Variants in CTSG observed in about 807,000 individuals in gnomAD.
CTSG encodes cathepsin G.
In CTSG, 23 loss-of-function variants were observed where a neutral mutation model predicts 23.0. The observed-to-expected ratio is 1.00, with a 90% confidence interval of 0.72 to 1.42. CTSG has a LOEUF of 1.42. Among genes scored for constraint, CTSG ranks in the 40% most tolerant of loss-of-function variants. The probability of loss-of-function intolerance (pLI) is 0.00; values close to 1 mark genes in which losing one functional copy is unlikely to be tolerated. For missense variants in CTSG, 312 were observed against 326.2 expected, an observed-to-expected ratio of 0.96 and a Z score of 0.33; for synonymous variants, 140 against 130.4, an observed-to-expected ratio of 1.07 and a Z score of -0.50.
At position 24,574,475 on chromosome 14, in the gene CTSG, G is replaced by T; in HGVS notation, c.364C>A (p.Arg122=). Reference sequence around the variant, plus strand: ...GGCAGAGCCACTGGGTTCACGTTTCGATTCCGTCTGACTCTTCTGCTCAGC... The same window carrying T: ...GGCAGAGCCACTGGGTTCACGTTTCTATTCCGTCTGACTCTTCTGCTCAGC... ...LQLSRRVRRN[R]NVNPVALPRA... Residue 122 remains arginine (R), a synonymous_variant, in exon 4 of 5, where the codon CGA becomes AGA. Transcript: ENST00000216336. 6.2e-7 allele frequency: 1 copy of T among 1,613,950 alleles called. No homozygotes were observed. Among genetic ancestry groups the T allele is most frequent in the Non-Finnish European group, 8.5e-7 (1 of 1,180,026 alleles).
intron 4 of CTSG, 33 bp downstream of exon 4, chr14:24,574,212 C>T (rs756479736): frequency 2.4e-5 from 38 of 1,598,078 alleles, no homozygotes; most frequent in Admixed American, 6.7e-5. Context: ...GCCCCTCTCT[C>T]CCGGGGTGTG....
At chr14:24,575,144 G>C in intron 2 of CTSG, 121 bp downstream of exon 2, 2 of 1,148,066 alleles carry the variant, frequency 1.7e-6, no homozygotes, top group Non-Finnish European at 2.5e-6. Context: ...CTCCCGCAAA[G>C]ACTCACTTGG....
intron 1 of CTSG, 72 bp from the exon 2 acceptor site, chr14:24,575,484 C>A: frequency 6.4e-7 from 1 of 1,561,942 alleles, no homozygotes; most frequent in Non-Finnish European, 8.8e-7. Flanking sequence ...TTGGTGGCTC[C>A]AGAAAGGCTG....
chr14:24,575,223 G>T, intron 2 of CTSG, 42 bp downstream of exon 2: 1 of 1,612,522 alleles, frequency 6.2e-7, no homozygotes, highest in South Asian at 1.1e-5. Context: ...AGCTCCGCAG[G>T]GCTGTGTTCC....
chr14:24,574,463 G>C lies in CTSG; in HGVS notation c.376C>G (p.Pro126Ala). Residue 126 changes from proline to alanine, a missense_variant, in exon 4 of 5, where the codon CCA (proline) becomes GCA (alanine). Pro to Ala is a conservative substitution (Grantham distance 27). Coordinates refer to ENST00000216336, the MANE Select transcript of CTSG (RefSeq NM_001911.3). ...RRVRRNRNVN[P>A]VALPRAQEGL... ...TCCTGGGCTCTAGGCAGAGCCACTG[G>C]GTTCACGTTTCGATTCCGTCTGACT... The C allele has an allele frequency of 6.2e-7, 1 of 1,613,998 alleles. No homozygotes were observed.
rs1465162454 is a variant in CTSG, at chr14:24,575,544, C to CT, written c.56-133dup. ...GGTGCAGGAGAGGGAGGAGATGGTGCTGAGGCTTGGAGTCTATGGGGCAGC... is the reference window on the plus strand; with the variant it reads ...GGTGCAGGAGAGGGAGGAGATGGTGCTTGAGGCTTGGAGTCTATGGGGCAGC... On this transcript the variant is annotated intron_variant, in intron 1 of 4. Coordinates refer to ENST00000216336, the MANE Select transcript of CTSG (RefSeq NM_001911.3). 3.5e-5 allele frequency: 34 copies of CT among 966,516 alleles called. No homozygotes were observed. In the African/African-American group the frequency reaches 4.5e-4, roughly 13 times the overall value. 59.9% of individuals were successfully genotyped at this position (966,516 alleles called of 1,614,324 possible).
chr14:24,575,482 T>C, intron 1 of CTSG, 70 bp from the exon 2 acceptor site: 1 of 1,567,736 alleles, frequency 6.4e-7, no homozygotes, highest in Non-Finnish European at 8.7e-7. Context: ...GATTGGTGGC[T>C]CCAGAAAGGC....
chr14:24,574,598 C>A (rs1220541254), intron 3 of CTSG, 77 bp downstream of exon 3: 4 of 1,611,632 alleles, frequency 2.5e-6, no homozygotes, highest in Admixed American at 3.3e-5. Context: ...CCCGCCACCC[C>A]GGAGCCTTGC....
At position 24,573,815 on chromosome 14, in the gene CTSG, A is replaced by G. The variant is rs1163573191; in HGVS notation, c.595-5T>C. 1.9e-6 allele frequency: 3 copies of G among 1,612,518 alleles called. No individual in the cohort carries two copies. The highest frequency in any genetic ancestry group is 1.7e-5 in the Admixed American group (1 of 59,896). On this transcript the variant is annotated splice_region_variant and splice_polypyrimidine_tract_variant and intron_variant, in intron 4 of 4. Transcript: ENST00000216336. ...CAGGGGGCCTCCGGAATCCCCCTGT[A>G]GGTAGAGAGGAGAAGGGAGACTGAG...
chr14:24,576,235 G>T lies in CTSG; in HGVS notation c.-12C>A. On this transcript the variant is annotated 5_prime_UTR_variant, in exon 1 of 5. Transcript: ENST00000216336. The stretch of plus-strand genomic sequence containing the variant: ...AGGAGTGGCTGCATCTTTCCTGAAA[G>T]GCTGCCCAGTCAGTTGCTGCTGTGC... The T allele has an allele frequency of 1.2e-6, 2 of 1,602,964 alleles. No homozygotes were observed. Among genetic ancestry groups the T allele is most frequent in the Middle Eastern group, 1.7e-4 (1 of 5,892 alleles).
At chr14:24,574,870 T>C in intron 2 of CTSG, 60 bp from the exon 3 acceptor site, 1 of 1,608,146 alleles carries the variant, frequency 6.2e-7, no homozygotes, top group South Asian at 1.1e-5. Context: ...CTCTGCAGGG[T>C]AGGCAGACAG....
In CTSG at chr14:24,576,199, C is replaced by A; in HGVS notation, c.25G>T (p.Ala9Ser). Residue 9 changes from alanine to serine, a missense_variant, in exon 1 of 5, where the codon GCC becomes TCC. Transcript: ENST00000216336. MQPLLLLL[A>S]FLLPTGAEAG... ...TCAGCCCCAGTGGGTAGGAGAAAGG[C>A]CAGCAGAAGCAGGAGTGGCTGCATC... is the stretch of plus-strand genomic sequence containing the variant. 6.2e-7 allele frequency: 1 copy of A among 1,610,400 alleles called. No homozygotes were observed. Among genetic ancestry groups the A allele is most frequent in the Non-Finnish European group, 8.5e-7 (1 of 1,178,570 alleles).
At position 24,574,295 on chromosome 14, in the gene CTSG, G is replaced by C; in HGVS notation, c.544C>G (p.Arg182Gly). ...CGGTCCCCCACACAAATCTGCCTTCGGGGGTCGTAGGAACCGAAGATGCGG... is the reference window on the plus strand; with the variant it reads ...CGGTCCCCCACACAAATCTGCCTTCCGGGGTCGTAGGAACCGAAGATGCGG... ...CLRIFGSYDP[R>G]RQICVGDRRE... The change falls in exon 4 of 5, where the codon CGA (arginine) becomes GGA (glycine). Residue 182 changes from arginine to glycine, a missense_variant. Physicochemically the swap from Arg to Gly is moderately radical, Grantham distance 125. Transcript: ENST00000216336. 3 of 1,600,926 alleles carry C rather than the reference G, an allele frequency of 1.9e-6. No individual in the cohort carries two copies. In the South Asian group the frequency reaches 3.3e-5, roughly 18 times the overall value.
At chr14:24,574,569 G>C (rs2066731818) in intron 3 of CTSG, 70 bp from the exon 4 acceptor site, 12 of 1,611,028 alleles carry the variant, frequency 7.4e-6, no homozygotes, top group Non-Finnish European at 9.3e-6. Flanking sequence ...CGCTGGTGCA[G>C]TACACATCCC....
At chr14:24,574,171 G>C in intron 4 of CTSG, 74 bp downstream of exon 4, 1 of 1,556,368 alleles carries the variant, frequency 6.4e-7, no homozygotes. Context: ...TGTGGGGATG[G>C]AATCTGTTCG....
chr14:24,575,594 C>G (rs1444855755), intron 1 of CTSG, among the ~76,000 whole-genome samples, 182 bp from the exon 2 acceptor site: 2 of 152,126 alleles, frequency 1.3e-5, no homozygotes, highest in Non-Finnish European at 2.9e-5. Context: ...CTCCAGGGTT[C>G]TACAGGAAAC....
At chr14:24,575,022 T>C in intron 2 of CTSG, 1 of 702,868 alleles carries the variant, frequency 1.4e-6, no homozygotes, top group Non-Finnish European at 2.3e-6. Context: ...CCAGATTAAG[T>C]TGATAAATAG....
chr14:24,575,219 G>A (rs1374753377), intron 2 of CTSG, 46 bp downstream of exon 2: 3 of 1,611,136 alleles, frequency 1.9e-6, no homozygotes, highest in Non-Finnish European at 2.5e-6. Context: ...GAAGAGCTCC[G>A]CAGGGCTGTG....
rs756309618 is a variant in CTSG at position 24,575,256 on chromosome 14, G to T, written c.203+9C>A. On this transcript the variant is annotated intron_variant, in intron 2 of 4. Transcript: ENST00000216336. Reference sequence around the variant, plus strand: ...TCCTGGCTGGCCAGGAAGTTCCTTAGCTCCTCACCTTCCCCAGCAATGAGC... The same window carrying T: ...TCCTGGCTGGCCAGGAAGTTCCTTATCTCCTCACCTTCCCCAGCAATGAGC... The T allele has an allele frequency of 3.7e-6, 6 of 1,613,786 alleles. No individual in the cohort carries two copies. Among genetic ancestry groups the T allele is most frequent in the Non-Finnish European group, 5.1e-6 (6 of 1,179,960 alleles).
Sources: allele counts gnomAD v4.1 joint callset (sites outside exome capture counted in the v4.1 genomes callset), GRCh38; gene constraint gnomAD v4.1.1; transcripts MANE v1.5; gene names NCBI Gene and HGNC (gene_info 2026-07-23, HGNC 2026-07-21).